Variants in ROBO2 observed in about 807,000 individuals in gnomAD.
The protein encoded by ROBO2 is roundabout homolog 2.
Under a neutral mutation model 160.8 loss-of-function variants are expected in ROBO2, and 53 were observed. That is an observed-to-expected ratio of 0.33 (90% CI 0.26 to 0.41). The LOEUF is 0.41. Among genes scored for constraint, ROBO2 ranks in the 10% least tolerant of loss-of-function variants. The pLI is 1.00. For missense variants in ROBO2, 1,577 were observed against 1,722.4 expected, an observed-to-expected ratio of 0.92 and a Z score of 1.49; for synonymous variants, 664 against 611.7, an observed-to-expected ratio of 1.09 and a Z score of -1.26.
intron 2 of ROBO2, chr3:75,937,658 A>T: frequency 8.0e-6 from 9 of 1,123,506 alleles, no homozygotes; most frequent in Non-Finnish European, 1.1e-5. Flanking sequence ...TCACTTTATG[A>T]TGATATTATG....
At position 76,425,817 on chromosome 3, in the gene ROBO2, A is replaced by G. The variant is rs576529349; in HGVS notation, c.109+488215A>G. Among the ~76,000 whole-genome samples, 36 of 151,970 alleles carry G rather than the reference A, an allele frequency of 2.4e-4. 1 individual carries two copies. The highest frequency in any genetic ancestry group is 2.3e-3 in the South Asian group (11 of 4,800). On this transcript the variant is annotated intron_variant, in intron 2 of 26. Coordinates refer to the ROBO2 transcript ENST00000487694. Reference sequence around the variant, plus strand: ...GTTCTTTGAAAGCTGCTAGAAGAGGACCCAGTGTGTTTACATCATGTTTGT... The same window carrying G: ...GTTCTTTGAAAGCTGCTAGAAGAGGGCCCAGTGTGTTTACATCATGTTTGT...
At chr3:76,355,932 G>T (rs1026487743) in intron 2 of ROBO2, among the ~76,000 whole-genome samples, 1 of 151,786 alleles carries the variant, frequency 6.6e-6, no homozygotes, top group Non-Finnish European at 1.5e-5. Context: ...ACCCCTTACA[G>T]CAGCAGCCTG....
chr3:76,540,030 A>C (rs2082730030), intron 2 of ROBO2, among the ~76,000 whole-genome samples: 1 of 152,116 alleles, frequency 6.6e-6, no homozygotes, highest in African/African-American at 2.4e-5. Flanking sequence ...TTTAAAGGAC[A>C]CTCCAAGAAT....
chr3:77,439,127 G>A (rs1296787390), intron 2 of ROBO2, among the ~76,000 whole-genome samples: 1 of 151,846 alleles, frequency 6.6e-6, no homozygotes, highest in East Asian at 1.9e-4. Context: ...ATCAGCTTTA[G>A]CAGCTAATTT....
At chr3:76,109,806 C>T (rs2070136237) in intron 2 of ROBO2, among the ~76,000 whole-genome samples, 1 of 151,720 alleles carries the variant, frequency 6.6e-6, no homozygotes, top group African/African-American at 2.4e-5. Context: ...ATTTTTCATC[C>T]CTCATCCCTC....
chr3:76,622,457 C>G (rs1482692972), intron 2 of ROBO2, among the ~76,000 whole-genome samples: 2 of 151,846 alleles, frequency 1.3e-5, no homozygotes, highest in Non-Finnish European at 1.5e-5. Flanking sequence ...AGAGCAAGAC[C>G]CTGTCTCAAA....
intron 2 of ROBO2, among the ~76,000 whole-genome samples, chr3:76,089,651 G>C (rs28827915): frequency 6.6e-6 from 1 of 151,998 alleles, no homozygotes; most frequent in Non-Finnish European, 1.5e-5. Flanking sequence ...TAAATTCTTA[G>C]TAAACTAGGA....
At chr3:76,907,826 GTGTGTGT>G (rs1559684999) in intron 2 of ROBO2, among the ~76,000 whole-genome samples, 11 of 111,944 alleles carry the variant, frequency 9.8e-5, no homozygotes, top group Admixed American at 3.2e-4. Context: ...TGTTTGGGGT[GTGTGTGT>G]GTGTGTGTGT....
intron 2 of ROBO2, among the ~76,000 whole-genome samples, chr3:77,441,077 G>A (rs529768488): frequency 6.6e-6 from 1 of 152,178 alleles, no homozygotes; most frequent in Admixed American, 6.5e-5. Flanking sequence ...ATACAAATGA[G>A]TAGAGTGTAG....
At chr3:76,172,353 C>A (rs537990589) in intron 2 of ROBO2, among the ~76,000 whole-genome samples, 3 of 150,044 alleles carry the variant, frequency 2.0e-5, no homozygotes, top group Non-Finnish European at 4.4e-5. Context: ...ATGGGTGCAG[C>A]GCATCAACAT....
At chr3:76,094,701 A>G (rs370401020) in intron 2 of ROBO2, among the ~76,000 whole-genome samples, 3 of 152,354 alleles carry the variant, frequency 2.0e-5, no homozygotes, top group Non-Finnish European at 4.4e-5. Flanking sequence ...TTCTTCCTCT[A>G]TCATCAAATA....
intron 2 of ROBO2, among the ~76,000 whole-genome samples, chr3:76,706,090 T>C (rs556611535): frequency 6.6e-5 from 10 of 152,268 alleles, no homozygotes; most frequent in Admixed American, 2.6e-4. Context: ...ATAATAGTAT[T>C]CATATTTAAT....
At chr3:77,376,006 T>C (rs1384405893) in intron 2 of ROBO2, among the ~76,000 whole-genome samples, 1 of 152,170 alleles carries the variant, frequency 6.6e-6, no homozygotes, top group Non-Finnish European at 1.5e-5. Context: ...CTTGAGTTTC[T>C]ATGGCTCTTT....
chr3:76,631,970 A>C (rs1163912220), intron 2 of ROBO2, among the ~76,000 whole-genome samples: 2 of 152,188 alleles, frequency 1.3e-5, no homozygotes, highest in Non-Finnish European at 2.9e-5. Context: ...CCAACATATC[A>C]TTATCTGGAA....
chr3:77,480,916 A>G (rs2084610831), intron 3 of ROBO2, among the ~76,000 whole-genome samples, 183 bp from the exon 4 acceptor site: 1 of 152,200 alleles, frequency 6.6e-6, no homozygotes, highest in East Asian at 1.9e-4. Flanking sequence ...GAAAGTATGG[A>G]AACTTACATT....
chr3:77,165,195 CT>C (rs1174251788), intron 2 of ROBO2, among the ~76,000 whole-genome samples: 1 of 150,690 alleles, frequency 6.6e-6, no homozygotes, highest in African/African-American at 2.4e-5. Flanking sequence ...ACATGGGAGA[CT>C]TTTCATTTTG....
intron 2 of ROBO2, among the ~76,000 whole-genome samples, chr3:75,961,688 AT>A (rs1948917524): frequency 6.6e-6 from 1 of 151,642 alleles, no homozygotes. Context: ...CTCTAAATAG[AT>A]TTTTTTATGC....
chr3:76,331,651 A>G (rs185062195), intron 2 of ROBO2, among the ~76,000 whole-genome samples: 1 of 151,762 alleles, frequency 6.6e-6, no homozygotes, highest in Non-Finnish European at 1.5e-5. Flanking sequence ...TTAGGGAAAC[A>G]TTAATATTTG....
chr3:77,444,441 G>T (rs1422548097), intron 2 of ROBO2, among the ~76,000 whole-genome samples: 1 of 152,038 alleles, frequency 6.6e-6, no homozygotes, highest in Non-Finnish European at 1.5e-5. Flanking sequence ...ATTAACTTAT[G>T]TCTCCATGTA....
Sources: gnomAD v4.1 joint callset for allele counts (sites outside exome capture counted in the v4.1 genomes callset) on GRCh38, gnomAD v4.1.1 for gene constraint, MANE v1.5 for transcripts, NCBI Gene and HGNC (gene_info 2026-07-23, HGNC 2026-07-21) for gene names.